CDC42BPA: variants seen among roughly 807,000 people sequenced by gnomAD.
CDC42BPA encodes serine/threonine-protein kinase MRCK alpha.
Under a neutral mutation model 223.5 loss-of-function variants are expected in CDC42BPA, and 80 were observed. That is an observed-to-expected ratio of 0.36 (90% CI 0.30 to 0.43). CDC42BPA has a LOEUF of 0.43. Ranked by LOEUF, CDC42BPA falls within the 20% of genes least tolerant of loss-of-function variation. The pLI is 1.00. For synonymous variants in CDC42BPA, 694 were observed against 718.6 expected (o/e 0.97, Z 0.55); for missense variants, 1,743 against 2,099.9 (o/e 0.83, Z 3.32).
At chr1:227,016,541 T>G (rs1266716406) in intron 33 of CDC42BPA, among the ~76,000 whole-genome samples, 1 of 152,194 alleles carries the variant, frequency 6.6e-6, no homozygotes, top group African/African-American at 2.4e-5. Flanking sequence ...TAACTGTAAA[T>G]ACTACAGTCC....
chr1:227,128,898 T>C (rs1656389778), intron 11 of CDC42BPA, among the ~76,000 whole-genome samples: 1 of 152,158 alleles, frequency 6.6e-6, no homozygotes, highest in African/African-American at 2.4e-5. Context: ...CTGATAGCCT[T>C]TTCATATGTA....
At chr1:227,108,019 C>A (rs985959055) in intron 14 of CDC42BPA, among the ~76,000 whole-genome samples, 1 of 151,952 alleles carries the variant, frequency 6.6e-6, no homozygotes, top group Non-Finnish European at 1.5e-5. Flanking sequence ...TAAAGGCTGT[C>A]AATTTTGTTG....
chr1:227,216,001 CAG>C (rs1378801339), intron 2 of CDC42BPA, among the ~76,000 whole-genome samples: 1 of 151,964 alleles, frequency 6.6e-6, no homozygotes, highest in African/African-American at 2.4e-5. Flanking sequence ...CACAGTATGA[CAG>C]AAAAATTACT....
At chr1:227,147,109 C>T (rs1336675326) in intron 7 of CDC42BPA, among the ~76,000 whole-genome samples, 2 of 152,026 alleles carry the variant, frequency 1.3e-5, no homozygotes, top group Non-Finnish European at 2.9e-5. Context: ...TCTCTACTTA[C>T]GACCTTTGTT....
intron 2 of CDC42BPA, among the ~76,000 whole-genome samples, chr1:227,253,272 G>A (rs1682405274): frequency 6.6e-6 from 1 of 152,244 alleles, no homozygotes; most frequent in East Asian, 1.9e-4. Flanking sequence ...GAGAGAGCGC[G>A]CGCGCGTGCG....
chr1:227,214,009 ACTTGCCATAGGCCACAGG>A (rs1024475389), intron 2 of CDC42BPA, among the ~76,000 whole-genome samples: 7 of 152,146 alleles, frequency 4.6e-5, no homozygotes, highest in African/African-American at 1.7e-4. Context: ...AGGCCATTGG[ACTTGCCATAGGCCACAGG>A]CTAGCCCACA....
rs1694638637 is a variant in CDC42BPA at position 227,317,775 on chromosome 1, G to A, written c.-593C>T. On this transcript the variant is annotated 5_prime_UTR_variant, in exon 1 of 37. Transcript: ENST00000366766. ...AATTTCTCCAGCGGGAAAGGGAGGG[G>A]GCGAGGTCCCTGAAGCAGCCCCTCG... 3 of 398,652 alleles carry A rather than the reference G, an allele frequency of 7.5e-6. No individual in the cohort carries two copies. Among genetic ancestry groups the A allele is most frequent in the Admixed American group, 4.4e-5 (1 of 22,734 alleles). 24.7% of individuals were successfully genotyped at this position (398,652 alleles called of 1,614,324 possible).
chr1:227,288,998 A>AAAT (rs147917920), intron 1 of CDC42BPA, among the ~76,000 whole-genome samples: 11 of 151,822 alleles, frequency 7.2e-5, no homozygotes, highest in African/African-American at 1.9e-4. Flanking sequence ...CTTGTTTCAA[A>AAAT]AATAATAATA....
intron 1 of CDC42BPA, among the ~76,000 whole-genome samples, chr1:227,309,280 T>C (rs1193782297): frequency 6.6e-6 from 1 of 151,632 alleles, no homozygotes; most frequent in Admixed American, 6.6e-5. Context: ...ACAATGAAAC[T>C]AGATTGTCCT....
chr1:227,268,491 G>A, intron 1 of CDC42BPA, among the ~76,000 whole-genome samples: 1 of 151,360 alleles, frequency 6.6e-6, no homozygotes, highest in East Asian at 1.9e-4. Flanking sequence ...ATGGGGAGGA[G>A]ACAGACATAC....
At chr1:227,293,833 CAT>C (rs1367016069) in intron 1 of CDC42BPA, among the ~76,000 whole-genome samples, 2 of 152,018 alleles carry the variant, frequency 1.3e-5, no homozygotes, top group African/African-American at 4.8e-5. Context: ...ATCTATTTCA[CAT>C]TTTCTTCACT....
In CDC42BPA at chr1:227,023,287, T is replaced by C. The variant is rs1261187724; in HGVS notation, c.4591A>G (p.Ile1531Val). ...NLLGLETIRL[I>V]YFKNKMAEGD... ...CCTGCCATCTTATTTTTGAAATATA[T>C]TAATCTAATGGTCTCCAACCCTAAA... The change falls in exon 32 of 37, where the codon ATA (isoleucine) becomes GTA (valine). Residue 1531 changes from isoleucine (I) to valine (V), a missense_variant. By Grantham distance (29) the Ile-to-Val change is conservative. Coordinates refer to ENST00000366766, the MANE Select transcript of CDC42BPA (RefSeq NM_001394014.1). The C allele has an allele frequency of 1.3e-6, 2 of 1,508,098 alleles. No individual in the cohort carries two copies. Among genetic ancestry groups the C allele is most frequent in the Admixed American group, 1.8e-5 (1 of 57,114 alleles). 93.4% of individuals were successfully genotyped at this position (1,508,098 alleles called of 1,614,324 possible). A position where few individuals can be genotyped will look rare whatever the true frequency, so the allele number is the denominator to read the frequency against.
At chr1:227,217,408 T>C (rs1052986117) in intron 2 of CDC42BPA, among the ~76,000 whole-genome samples, 14 of 150,014 alleles carry the variant, frequency 9.3e-5, no homozygotes, top group African/African-American at 3.4e-4. Context: ...ATCACGCCAC[T>C]GCACTTCAGC....
At chr1:227,161,491 G>A (rs1663883681) in intron 5 of CDC42BPA, among the ~76,000 whole-genome samples, 1 of 152,086 alleles carries the variant, frequency 6.6e-6, no homozygotes, top group Non-Finnish European at 1.5e-5. Flanking sequence ...ATATGGGAGG[G>A]CTACTTTAAC....
chr1:227,044,314 C>T (rs888205918), intron 23 of CDC42BPA, among the ~76,000 whole-genome samples: 2 of 152,178 alleles, frequency 1.3e-5, no homozygotes, highest in East Asian at 3.8e-4. Context: ...AATGCTTTCA[C>T]TGTAAAAGCA....
At position 227,139,736 on chromosome 1, in the gene CDC42BPA, A is replaced by C. The variant is rs747084575; in HGVS notation, c.1230T>G (p.Leu410=). Residue 410 remains leucine (L), a synonymous_variant, in exon 10 of 37, where the codon CTT becomes CTG. Coordinates refer to ENST00000366766, the MANE Select transcript of CDC42BPA (RefSeq NM_001394014.1). Reference sequence around the variant, plus strand: ...TAACTCTTAAACAGCTCCGATCAGAAAGTACACTGAAGAAAAGAAAAAAAA... The same window carrying C: ...TAACTCTTAAACAGCTCCGATCAGACAGTACACTGAAGAAAAGAAAAAAAA... ...VGFTYTSSCV[L]SDRSCLRVTA... is the part of the protein sequence containing the mutation. 1 of 1,514,848 alleles carries C rather than the reference A, an allele frequency of 6.6e-7. No individual in the cohort carries two copies. Among genetic ancestry groups the C allele is most frequent in the Non-Finnish European group, 8.8e-7 (1 of 1,137,640 alleles). The allele number at this position is 1,514,848 out of a possible 1,614,324, so 93.8% of individuals were successfully genotyped here.
intron 1 of CDC42BPA, among the ~76,000 whole-genome samples, chr1:227,290,300 T>G (rs2148649093): frequency 6.6e-6 from 1 of 152,298 alleles, no homozygotes; most frequent in Middle Eastern, 3.4e-3. Context: ...TGATTGAGCC[T>G]TTCTACTCCC....
At position 227,162,913 on chromosome 1, in the gene CDC42BPA, TG is replaced by T. The variant is rs1280346979; in HGVS notation, c.600-2278del. Among the ~76,000 whole-genome samples the T allele has an allele frequency of 8.6e-4, 128 of 149,132 alleles. 2 individuals are homozygous for T. In the Middle Eastern group the frequency reaches 0.011, roughly 12 times the overall value. The stretch of plus-strand genomic sequence containing the variant: ...TTCCAAACATATATGTGTGTGTATA[TG>T]TGTGTGTTTCCAAACATATGTGTGT... On this transcript the variant is annotated intron_variant, in intron 5 of 36. Coordinates refer to ENST00000366766, the MANE Select transcript of CDC42BPA (RefSeq NM_001394014.1).
chr1:227,006,347 T>C (rs1422837376), intron 34 of CDC42BPA, among the ~76,000 whole-genome samples: 2 of 152,206 alleles, frequency 1.3e-5, no homozygotes, highest in Admixed American at 1.3e-4. Flanking sequence ...AAAGGCAGCA[T>C]GGTGGCTGTG....
Sources: allele counts gnomAD v4.1 joint callset (sites outside exome capture counted in the v4.1 genomes callset), GRCh38; gene constraint gnomAD v4.1.1; transcripts MANE v1.5; gene names NCBI Gene and HGNC (gene_info 2026-07-23, HGNC 2026-07-21).